Variants in SYN2 observed in about 807,000 individuals in gnomAD.
The protein encoded by SYN2 is synapsin-2.
Under a neutral mutation model 50.9 loss-of-function variants are expected in SYN2, and 19 were observed. That is an observed-to-expected ratio of 0.37 (90% CI 0.26 to 0.55). The LOEUF (loss-of-function observed/expected upper bound fraction) is 0.55. Among genes scored for constraint, SYN2 ranks in the 20% least tolerant of loss-of-function variants. The pLI, the probability that SYN2 is intolerant of heterozygous loss-of-function variation, is 0.81. For synonymous variants in SYN2, 255 were observed against 224.9 expected (o/e 1.13, Z -1.20); for missense variants, 587 against 576.4 (o/e 1.02, Z -0.19).
At chr3:12,048,103 T>A (rs754227692) in intron 1 of SYN2, among the ~76,000 whole-genome samples, 1 of 152,174 alleles carries the variant, frequency 6.6e-6, no homozygotes, top group Non-Finnish European at 1.5e-5. Context: ...AGATTTAGCC[T>A]TTTTATGCCT....
intron 1 of SYN2, among the ~76,000 whole-genome samples, chr3:12,101,385 C>G (rs1696072120): frequency 6.6e-6 from 1 of 152,088 alleles, no homozygotes; most frequent in South Asian, 2.1e-4. Context: ...AACCCGGGCA[C>G]AAAAGACCAC....
In SYN2 at chr3:12,187,506, G is replaced by A. The variant is rs765147797; in HGVS notation, c.1507G>A (p.Gly503Ser). 1.7e-5 allele frequency: 26 copies of A among 1,552,970 alleles called. No individual in the cohort carries two copies. The East Asian group carries it at 1.9e-4, about 12-fold the overall frequency. Residue 503 changes from glycine to serine, a missense_variant, in exon 12 of 13, where the codon GGC becomes AGC. Coordinates refer to ENST00000621198, the MANE Select transcript of SYN2 (RefSeq NM_133625.6). Reference sequence around the variant, plus strand: ...CTCCTCGGCTCCTCAGCGGCCGGGCGGCCCCACCACCCACGGAGATGCACC... The same window carrying A: ...CTCCTCGGCTCCTCAGCGGCCGGGCAGCCCCACCACCCACGGAGATGCACC... Reference protein sequence around the residue: ...SSSSAPQRPGGPTTHGDAPSS... With the variant: ...SSSSAPQRPGSPTTHGDAPSS...
Position 12,004,855 on chromosome 3 carries a change from G to C in SYN2, c.304G>C (p.Ala102Pro). The C allele has an allele frequency of 3.6e-6, 2 of 550,676 alleles. No homozygotes were observed. The highest frequency in any genetic ancestry group is 6.4e-6 in the Non-Finnish European group (2 of 310,174). The allele number at this position is 550,676 out of a possible 1,614,324, so 34.1% of individuals were successfully genotyped here. Residue 102 changes from alanine to proline, a missense_variant, in exon 1 of 13, where the codon GCG becomes CCG. Coordinates refer to ENST00000621198, the MANE Select transcript of SYN2 (RefSeq NM_133625.6). ...GGCCGCCTCGGCTGGCCTGGTGGACGCGCCCGCTCCCGCGCCCGCAGCCGC... is the reference window on the plus strand; with the variant it reads ...GGCCGCCTCGGCTGGCCTGGTGGACCCGCCCGCTCCCGCGCCCGCAGCCGC... ...QTAASAGLVDAPAPAPAAARK... is the reference protein window; with the variant it reads ...QTAASAGLVDPPAPAPAAARK...
At chr3:12,154,120 T>G in intron 5 of SYN2, among the ~76,000 whole-genome samples, 1 of 152,252 alleles carries the variant, frequency 6.6e-6, no homozygotes, top group Non-Finnish European at 1.5e-5. Context: ...TACAGTTATC[T>G]CAGTCTGCCT....
At chr3:12,035,703 A>G (rs1694484200) in intron 1 of SYN2, among the ~76,000 whole-genome samples, 1 of 152,204 alleles carries the variant, frequency 6.6e-6, no homozygotes, top group African/African-American at 2.4e-5. Flanking sequence ...GTAATCGGAT[A>G]AGAAAATAAA....
At chr3:12,015,189 G>A (rs1169219147) in intron 1 of SYN2, among the ~76,000 whole-genome samples, 1 of 152,170 alleles carries the variant, frequency 6.6e-6, no homozygotes, top group Non-Finnish European at 1.5e-5. Flanking sequence ...ACTCAACTCA[G>A]TTGTTGCATC....
chr3:12,157,476 C>T, intron 5 of SYN2: 6 of 1,614,032 alleles, frequency 3.7e-6, no homozygotes, highest in South Asian at 1.1e-5. Flanking sequence ...GATTTTGGCC[C>T]GAATCACTGC....
At chr3:12,054,256 T>C (rs1486830081) in intron 1 of SYN2, among the ~76,000 whole-genome samples, 1 of 152,138 alleles carries the variant, frequency 6.6e-6, no homozygotes, top group Non-Finnish European at 1.5e-5. Flanking sequence ...CTCCCACTGG[T>C]TAAAAATTGC....
At chr3:12,084,392 T>G (rs1003737628) in intron 1 of SYN2, among the ~76,000 whole-genome samples, 3 of 152,182 alleles carry the variant, frequency 2.0e-5, no homozygotes, top group Non-Finnish European at 4.4e-5. Context: ...GGACAGTGGC[T>G]CAGATAATAA....
At chr3:12,098,254 A>G (rs756068863) in intron 1 of SYN2, among the ~76,000 whole-genome samples, 6 of 152,218 alleles carry the variant, frequency 3.9e-5, no homozygotes, top group South Asian at 2.1e-4. Flanking sequence ...GAAAAAGACT[A>G]TCAGCAAAGA....
chr3:12,056,010 T>G (rs374365824), intron 1 of SYN2, among the ~76,000 whole-genome samples: 10 of 152,298 alleles, frequency 6.6e-5, no homozygotes, highest in South Asian at 6.2e-4. Context: ...AAGACGATCT[T>G]CCTGGTGAGA....
At chr3:12,015,806 T>G (rs2125132878) in intron 1 of SYN2, among the ~76,000 whole-genome samples, 1 of 152,328 alleles carries the variant, frequency 6.6e-6, no homozygotes, top group South Asian at 2.1e-4. Flanking sequence ...TGAGCTTTTC[T>G]CAAGTTCTAG....
At chr3:12,176,715 T>A (rs1392308558) in intron 10 of SYN2, among the ~76,000 whole-genome samples, 1 of 152,196 alleles carries the variant, frequency 6.6e-6, no homozygotes, top group Non-Finnish European at 1.5e-5. Context: ...TTGGCAAATC[T>A]ATGTTATGAG....
intron 10 of SYN2, among the ~76,000 whole-genome samples, chr3:12,176,530 T>C (rs1016143298): frequency 6.6e-6 from 1 of 152,168 alleles, no homozygotes; most frequent in Non-Finnish European, 1.5e-5. Context: ...GACTTATTCT[T>C]TGGAAGCATT....
At chr3:12,008,308 A>T (rs942565268) in intron 1 of SYN2, among the ~76,000 whole-genome samples, 2 of 152,214 alleles carry the variant, frequency 1.3e-5, no homozygotes, top group African/African-American at 4.8e-5. Context: ...AAGGCAACAG[A>T]TATTTATGAA....
At chr3:12,170,485 A>T (rs1412051543) in intron 10 of SYN2, among the ~76,000 whole-genome samples, 1 of 152,240 alleles carries the variant, frequency 6.6e-6, no homozygotes, top group Non-Finnish European at 1.5e-5. Context: ...AATCACACTC[A>T]TGGCAACAGC....
intron 1 of SYN2, among the ~76,000 whole-genome samples, chr3:12,099,102 A>G (rs920184896): frequency 6.6e-6 from 1 of 152,124 alleles, no homozygotes; most frequent in Non-Finnish European, 1.5e-5. Flanking sequence ...AAAATTGACA[A>G]TTCAACAATA....
intron 1 of SYN2, among the ~76,000 whole-genome samples, chr3:12,132,394 C>G (rs981345580): frequency 2.8e-4 from 42 of 152,202 alleles, no homozygotes; most frequent in Non-Finnish European, 3.4e-4. Context: ...TCAGTTAATT[C>G]ATCTGAGCCT....
At chr3:12,036,987 G>T (rs1480457661) in intron 1 of SYN2, among the ~76,000 whole-genome samples, 1 of 152,158 alleles carries the variant, frequency 6.6e-6, no homozygotes, top group Non-Finnish European at 1.5e-5. Context: ...GTTAAGTTCT[G>T]CATTCCACAA....
Sources: gnomAD v4.1 joint callset for allele counts (sites outside exome capture counted in the v4.1 genomes callset) on GRCh38, gnomAD v4.1.1 for gene constraint, MANE v1.5 for transcripts, NCBI Gene and HGNC (gene_info 2026-07-23, HGNC 2026-07-21) for gene names.